The following BUB1B variants were observed in gnomAD, a reference collection of about 807,000 sequenced individuals.
The protein encoded by BUB1B is mitotic checkpoint serine/threonine-protein kinase BUB1 beta.
In BUB1B, 86 loss-of-function variants were observed where a neutral mutation model predicts 137.7. The ratio of observed to expected loss-of-function variants is 0.62; its 90% CI spans 0.52 to 0.75. The LOEUF (loss-of-function observed/expected upper bound fraction) is 0.75, where lower values mean the gene tolerates loss of function less well. Among genes scored for constraint, BUB1B ranks in the 30% least tolerant of loss-of-function variants. The pLI is 0.00. For missense variants in BUB1B, 1,130 were observed against 1,236.9 expected (o/e 0.91, Z 1.30); for synonymous variants, 420 against 417.9 (o/e 1.00, Z -0.06).
In BUB1B at chr15:40,161,098, A is replaced by T; in HGVS notation, c.-123A>T. ...GCTTGAGGTGGCCGGTTTGTTAGGG[A>T]GTCGTGTACGTGCCTTGGTCGCTTC... is the stretch of plus-strand genomic sequence containing the variant. On this transcript the variant is annotated 5_prime_UTR_variant, in exon 1 of 23. Coordinates refer to ENST00000287598, the MANE Select transcript of BUB1B (RefSeq NM_001211.6). 2 of 1,299,478 alleles carry T rather than the reference A, an allele frequency of 1.5e-6. No individual in the cohort carries two copies. The highest frequency in any genetic ancestry group is 2.1e-6 in the Non-Finnish European group (2 of 940,174). 80.5% of individuals were successfully genotyped at this position (1,299,478 alleles called of 1,614,324 possible).
chr15:40,192,311 C>G (rs1433193160), intron 8 of BUB1B, among the ~76,000 whole-genome samples: 1 of 152,162 alleles, frequency 6.6e-6, no homozygotes, highest in Non-Finnish European at 1.5e-5. Flanking sequence ...CCCCTCAACC[C>G]TGTACACAGT....
chr15:40,202,527 G>A, intron 13 of BUB1B, 62 bp downstream of exon 13: 2 of 1,592,582 alleles, frequency 1.3e-6, no homozygotes, highest in Non-Finnish European at 1.7e-6. Flanking sequence ...TATTATAAGT[G>A]AGGATAAATT....
intron 7 of BUB1B, 48 bp from the exon 8 acceptor site, chr15:40,185,503 C>T: frequency 6.3e-7 from 1 of 1,598,734 alleles, no homozygotes; most frequent in Non-Finnish European, 8.6e-7. Context: ...TATATGCTGT[C>T]TGAGAACATA....
chr15:40,183,952 A>G (rs1350371140), intron 6 of BUB1B, 69 bp downstream of exon 6: 1 of 1,502,834 alleles, frequency 6.7e-7, no homozygotes, highest in Non-Finnish European at 9.2e-7. Flanking sequence ...AGAAGATAAT[A>G]CATAAATATA....
chr15:40,201,044 G>A (rs1386658208), intron 12 of BUB1B, 64 bp downstream of exon 12: 4 of 1,466,090 alleles, frequency 2.7e-6, no homozygotes, highest in Admixed American at 1.7e-5. Flanking sequence ...GTAATAAATG[G>A]TAAATATTTT....
In BUB1B at chr15:40,183,792, T is replaced by C. The variant is rs1187768596; in HGVS notation, c.660T>C (p.Ser220=). 6.2e-7 allele frequency: 1 copy of C among 1,614,146 alleles called. No individual in the cohort carries two copies. The highest frequency in any genetic ancestry group is 8.5e-7 in the Non-Finnish European group (1 of 1,179,994). ...AAGAGGAGGAAGTTTTTGAGTCTTCTGTACCACAACGAAGCACACTAGCTG... is the reference window on the plus strand; with the variant it reads ...AAGAGGAGGAAGTTTTTGAGTCTTCCGTACCACAACGAAGCACACTAGCTG... The part of the protein sequence containing the change: ...KEEEEEVFES[S]VPQRSTLAEL... The change falls in exon 6 of 23, where the codon TCT becomes TCC. Residue 220 remains serine, a synonymous_variant. Transcript: ENST00000287598.
chr15:40,201,361 A>AT lies in BUB1B; in HGVS notation c.1567+382dup, dbSNP rs1304489717. 3.3e-5 allele frequency among the ~76,000 whole-genome samples: 5 copies of AT among 152,368 alleles called. No homozygotes were observed. The East Asian group carries it at 7.7e-4, about 23-fold the overall frequency. The stretch of plus-strand genomic sequence containing the variant: ...CAAAATGTGTTAAAAGTGGTGAAAC[A>AT]TGAATATCTACTTGTAAATGGTTTG... On this transcript the variant is annotated intron_variant, in intron 12 of 22. Transcript: ENST00000287598.
Position 40,183,830 on chromosome 15 carries a change from A to C in BUB1B, c.698A>C (p.Lys233Thr). Reference sequence around the variant, plus strand: ...AGCACACTAGCTGAACTAAAGAGCAAAGGGAAAAAGACAGCAAGAGCTCCA... The same window carrying C: ...AGCACACTAGCTGAACTAAAGAGCACAGGGAAAAAGACAGCAAGAGCTCCA... ...QRSTLAELKS[K>T]GKKTARAPII... Residue 233 changes from lysine (K) to threonine (T), a missense_variant, in exon 6 of 23, where the codon AAA becomes ACA. By Grantham distance (78) the Lys-to-Thr change is moderately conservative. Transcript: ENST00000287598. 6 of 1,614,120 alleles carry C rather than the reference A, an allele frequency of 3.7e-6. No homozygotes were observed. The highest frequency in any genetic ancestry group is 4.2e-6 in the Non-Finnish European group (5 of 1,179,976).
intron 4 of BUB1B, among the ~76,000 whole-genome samples, chr15:40,175,093 A>G (rs1329780526): frequency 6.6e-6 from 1 of 152,230 alleles, no homozygotes; most frequent in African/African-American, 2.4e-5. Context: ...AACAATTTTT[A>G]CAACCTTCTC....
chr15:40,194,294 C>T (rs143723110), intron 8 of BUB1B, among the ~76,000 whole-genome samples: 15 of 152,268 alleles, frequency 9.9e-5, no homozygotes, highest in Non-Finnish European at 1.9e-4. Flanking sequence ...GATAGTTTTG[C>T]TTCTTCCTTT....
At chr15:40,161,430 A>T (rs1243643693) in intron 1 of BUB1B, among the ~76,000 whole-genome samples, 175 bp downstream of exon 1, 2 of 152,078 alleles carry the variant, frequency 1.3e-5, no homozygotes, top group Non-Finnish European at 2.9e-5. Context: ...AACGCAGTGG[A>T]CTGAGGGCAC....
intron 5 of BUB1B, among the ~76,000 whole-genome samples, chr15:40,178,664 C>G (rs764616777): frequency 6.6e-6 from 1 of 152,004 alleles, no homozygotes; most frequent in Middle Eastern, 3.4e-3. Context: ...GGTTTTGAAG[C>G]CTCTTTGTGA....
At chr15:40,170,147 A>T in intron 3 of BUB1B, 26 bp downstream of exon 3, 1 of 1,590,944 alleles carries the variant, frequency 6.3e-7, no homozygotes, top group Non-Finnish European at 8.6e-7. Flanking sequence ...TCACAAGGAC[A>T]ATAGAAACAT....
At chr15:40,195,233 G>A (rs2037484083) in intron 8 of BUB1B, among the ~76,000 whole-genome samples, 1 of 151,916 alleles carries the variant, frequency 6.6e-6, no homozygotes, top group Non-Finnish European at 1.5e-5. Context: ...AACATATGAT[G>A]TTTGGTTTTC....
chr15:40,200,873 A>G (rs1232909454), intron 11 of BUB1B, 58 bp from the exon 12 acceptor site: 2 of 1,476,776 alleles, frequency 1.4e-6, no homozygotes, highest in Non-Finnish European at 1.9e-6. Flanking sequence ...ACTTTTAAAA[A>G]TTAAACAGTT....
chr15:40,200,851 A>G (rs2037559681), intron 11 of BUB1B, 80 bp from the exon 12 acceptor site: 3 of 1,183,588 alleles, frequency 2.5e-6, no homozygotes, highest in Non-Finnish European at 3.8e-6. Flanking sequence ...ATTTAATGGA[A>G]AAGCCTCTTG....
chr15:40,189,362 G>A (rs550941566), intron 8 of BUB1B, among the ~76,000 whole-genome samples: 2 of 151,928 alleles, frequency 1.3e-5, no homozygotes, highest in East Asian at 1.9e-4. Context: ...CTTTCACCAC[G>A]TTGGCCAGGC....
At chr15:40,181,484 C>T (rs973416175) in intron 5 of BUB1B, among the ~76,000 whole-genome samples, 6 of 130,076 alleles carry the variant, frequency 4.6e-5, no homozygotes, top group African/African-American at 7.8e-5. Context: ...AGTTTTCAGC[C>T]GTTATTTTTA....
At chr15:40,206,912 C>T (rs1224952164) in intron 15 of BUB1B, among the ~76,000 whole-genome samples, 2 of 152,154 alleles carry the variant, frequency 1.3e-5, no homozygotes, top group Non-Finnish European at 2.9e-5. Flanking sequence ...CGGGTTCAAG[C>T]GATTCTCCTG....
Sources: gnomAD v4.1 joint callset for allele counts (sites outside exome capture counted in the v4.1 genomes callset) on GRCh38, gnomAD v4.1.1 for gene constraint, MANE v1.5 for transcripts, NCBI Gene and HGNC (gene_info 2026-07-23, HGNC 2026-07-21) for gene names.